KPNA6: variants seen among roughly 807,000 people sequenced by gnomAD.
KPNA6 encodes importin subunit alpha-7.
In KPNA6, 9 loss-of-function variants were observed where a neutral mutation model predicts 72.0. The observed-to-expected ratio is 0.13, with a 90% CI of 0.08 to 0.22. The LOEUF (loss-of-function observed/expected upper bound fraction) is 0.22, where lower values mean the gene tolerates loss of function less well. Among genes scored for constraint, KPNA6 ranks in the 10% least tolerant of loss-of-function variants. The probability of loss-of-function intolerance (pLI) is 1.00; values close to 1 mark genes in which losing one functional copy is unlikely to be tolerated. For missense variants in KPNA6, 374 were observed against 655.7 expected (o/e 0.57, Z 4.69); for synonymous variants, 219 against 242.1 (o/e 0.90, Z 0.89).
At chr1:32,128,669 A>G (rs1381627039) in intron 1 of KPNA6, among the ~76,000 whole-genome samples, 1 of 151,920 alleles carries the variant, frequency 6.6e-6, no homozygotes, top group Non-Finnish European at 1.5e-5. Context: ...GTCCAGTAGA[A>G]GAAGAGCCTC....
intron 1 of KPNA6, among the ~76,000 whole-genome samples, chr1:32,146,743 A>G (rs1257950886): frequency 6.6e-6 from 1 of 152,222 alleles, no homozygotes; most frequent in Admixed American, 6.5e-5. Flanking sequence ...GATGTATAGT[A>G]ATACTGGCTT....
intron 1 of KPNA6, among the ~76,000 whole-genome samples, chr1:32,130,143 T>C (rs761570878): frequency 6.6e-6 from 1 of 152,062 alleles, no homozygotes; most frequent in Non-Finnish European, 1.5e-5. Context: ...TCTACAGATA[T>C]TAGAGATTGA....
At position 32,136,916 on chromosome 1, in the gene KPNA6, C is replaced by T. The variant is rs545814408; in HGVS notation, c.5-17672C>T. ...AGACCCTAAAGCCTTAGGTATTATT[C>T]GTTCTTGAAGCCAAGTTTCAGAAAT... On this transcript the variant is annotated intron_variant, in intron 1 of 13. Transcript: ENST00000373625. Among the ~76,000 whole-genome samples the T allele has an allele frequency of 3.9e-5, 6 of 152,294 alleles. No individual in the cohort carries two copies. The South Asian group carries it at 6.2e-4, about 16-fold the overall frequency.
At chr1:32,112,489 A>C (rs1641258257) in intron 1 of KPNA6, among the ~76,000 whole-genome samples, 1 of 151,894 alleles carries the variant, frequency 6.6e-6, no homozygotes, top group African/African-American at 2.4e-5. Flanking sequence ...TACCTCTTTT[A>C]TTTATTTATT....
Position 32,170,998 on chromosome 1 carries a change from CACCT to C in KPNA6, c.*105_*108del, listed in dbSNP as rs928422703. The C allele has an allele frequency of 7.2e-6, 7 of 978,858 alleles. No homozygotes were observed. Among genetic ancestry groups the C allele is most frequent in the African/African-American group, 3.2e-5 (2 of 62,442 alleles). 60.6% of individuals were successfully genotyped at this position (978,858 alleles called of 1,614,324 possible). A position where few individuals can be genotyped will look rare whatever the true frequency, so the allele number is the denominator to read the frequency against. Reference sequence around the variant, plus strand: ...AGTGTCCCCACCATCAGCCACCACACACCTCTGCTGCCCTGGAGACTGTGCTCTT... The same window carrying C: ...AGTGTCCCCACCATCAGCCACCACACCTGCTGCCCTGGAGACTGTGCTCTT... On this transcript the variant is annotated 3_prime_UTR_variant, in exon 14 of 14. Coordinates refer to ENST00000373625, the MANE Select transcript of KPNA6 (RefSeq NM_012316.5).
intron 1 of KPNA6, among the ~76,000 whole-genome samples, chr1:32,118,171 G>A (rs554667864): frequency 1.2e-3 from 189 of 151,978 alleles, no homozygotes; most frequent in Non-Finnish European, 2.3e-3. Context: ...TGATCCTCCC[G>A]CCTCAGCCTC....
At chr1:32,128,792 A>G (rs2124533299) in intron 1 of KPNA6, among the ~76,000 whole-genome samples, 1 of 152,092 alleles carries the variant, frequency 6.6e-6, no homozygotes, top group East Asian at 1.9e-4. Flanking sequence ...TTTCCTGGTC[A>G]TGAATCTCTG....
chr1:32,157,251 C>G, intron 3 of KPNA6, 95 bp from the exon 4 acceptor site: 1 of 906,092 alleles, frequency 1.1e-6, no homozygotes, highest in Non-Finnish European at 1.8e-6. Context: ...CTCTTGCCCT[C>G]AGTTTTTTAG....
chr1:32,167,403 C>T lies in KPNA6; in HGVS notation c.1244+107C>T. On this transcript the variant is annotated intron_variant, in intron 12 of 13. Coordinates refer to ENST00000373625, the MANE Select transcript of KPNA6 (RefSeq NM_012316.5). ...TGCTCTTGCTCAGACAGGTCTGCCC[C>T]CTAGTCTCACTGTAATAGAATTTTA... is the stretch of plus-strand genomic sequence containing the variant. 3 of 1,240,682 alleles carry T rather than the reference C, an allele frequency of 2.4e-6. No homozygotes were observed. The South Asian group carries it at 4.0e-5, about 17-fold the overall frequency. The allele number at this position is 1,240,682 out of a possible 1,614,324, so 76.9% of individuals were successfully genotyped here.
rs569059297 is a variant in KPNA6 at position 32,151,518 on chromosome 1, C to T, written c.5-3070C>T. 1.3e-4 allele frequency among the ~76,000 whole-genome samples: 20 copies of T among 152,232 alleles called. No individual in the cohort carries two copies. The South Asian group carries it at 2.7e-3, about 21-fold the overall frequency. On this transcript the variant is annotated intron_variant, in intron 1 of 13. Coordinates refer to ENST00000373625, the MANE Select transcript of KPNA6 (RefSeq NM_012316.5). ...CAATTTTTTTTTTCTGCCTATTTCT[C>T]TCCTCGCTGGAATGCTGTCTCAGTG...
chr1:32,161,224 A>G (rs1642232390), intron 7 of KPNA6, among the ~76,000 whole-genome samples: 1 of 152,124 alleles, frequency 6.6e-6, no homozygotes, highest in Non-Finnish European at 1.5e-5. Context: ...GCAGAACCTC[A>G]TGTTAGTCAT....
chr1:32,110,559 C>T (rs1641229187), intron 1 of KPNA6, among the ~76,000 whole-genome samples: 1 of 152,004 alleles, frequency 6.6e-6, no homozygotes, highest in South Asian at 2.1e-4. Flanking sequence ...TTTCTGACCT[C>T]TAGAAAGAAG....
At chr1:32,111,021 CTATTGAGTAA>C (rs1216917439) in intron 1 of KPNA6, among the ~76,000 whole-genome samples, 4 of 152,146 alleles carry the variant, frequency 2.6e-5, no homozygotes, top group Admixed American at 2.6e-4. Context: ...CCAGGTTTCC[CTATTGAGTAA>C]TAAGACTGAT....
chr1:32,130,994 C>G (rs529089401), intron 1 of KPNA6, among the ~76,000 whole-genome samples: 1 of 152,140 alleles, frequency 6.6e-6, no homozygotes, highest in South Asian at 2.1e-4. Flanking sequence ...CATAAAATTA[C>G]TATAAGAAAA....
rs886174891 is a variant in KPNA6 at position 32,166,046 on chromosome 1, TAAA to T, written c.991-53_991-51del. On this transcript the variant is annotated intron_variant, in intron 10 of 13. Coordinates refer to ENST00000373625, the MANE Select transcript of KPNA6 (RefSeq NM_012316.5). ...CAACAACAACAACAACAAAAAAACA[TAAA>T]AAAAATTAAAAACAGTTTAATTTTT... The T allele has an allele frequency of 2.3e-5, 35 of 1,499,144 alleles. 1 individual carries two copies. Among genetic ancestry groups the T allele is most frequent in the African/African-American group, 2.9e-5 (2 of 69,710 alleles). The allele number at this position is 1,499,144 out of a possible 1,614,324, so 92.9% of individuals were successfully genotyped here.
intron 1 of KPNA6, among the ~76,000 whole-genome samples, chr1:32,136,181 C>CTTTT (rs759447035): frequency 1.4e-5 from 2 of 139,316 alleles, no homozygotes; most frequent in Admixed American, 7.4e-5. Context: ...TAGCTTCTCT[C>CTTTT]TTTTTTTTTT....
chr1:32,112,227 C>T (rs1431807091), intron 1 of KPNA6, among the ~76,000 whole-genome samples: 1 of 152,136 alleles, frequency 6.6e-6, no homozygotes, highest in East Asian at 1.9e-4. Context: ...GTGTGAACCA[C>T]AAACAAAGAC....
At chr1:32,165,525 A>C (rs79022706) in intron 10 of KPNA6, among the ~76,000 whole-genome samples, 2 of 144,960 alleles carry the variant, frequency 1.4e-5, no homozygotes, top group Non-Finnish European at 3.0e-5. Context: ...CTGTCTCTAC[A>C]AAAAAAAAAA....
At chr1:32,165,078 G>T (rs1395816206) in intron 10 of KPNA6, among the ~76,000 whole-genome samples, 1 of 149,608 alleles carries the variant, frequency 6.7e-6, no homozygotes, top group African/African-American at 2.5e-5. Context: ...TTTTGAATTT[G>T]TTTTTTTTTG....
Sources: gnomAD v4.1 joint callset for allele counts (sites outside exome capture counted in the v4.1 genomes callset) on GRCh38, gnomAD v4.1.1 for gene constraint, MANE v1.5 for transcripts, NCBI Gene and HGNC (gene_info 2026-07-23, HGNC 2026-07-21) for gene names.